Variants in FAM200A observed in about 807,000 individuals in gnomAD.
FAM200A encodes ZBED8 like.
FAM200A carries 26 observed loss-of-function variants against 44.2 expected under a neutral mutation model. The observed-to-expected ratio is 0.59, with a 90% CI of 0.43 to 0.82. The LOEUF (loss-of-function observed/expected upper bound fraction) is 0.82, where lower values mean the gene tolerates loss of function less well. Ranked by LOEUF, FAM200A falls within the 40% of genes least tolerant of loss-of-function variation. The probability of loss-of-function intolerance (pLI) is 0.00; values close to 1 mark genes in which losing one functional copy is unlikely to be tolerated. For synonymous variants in FAM200A, 206 were observed against 244.4 expected, an observed-to-expected ratio of 0.84 and a Z score of 1.47; for missense variants, 606 against 669.5, an observed-to-expected ratio of 0.91 and a Z score of 1.05.
intron 1 of FAM200A, 39 bp from the exon 2 acceptor site, chr7:99,548,545 A>G (rs1369619244): frequency 2.2e-5 from 31 of 1,426,250 alleles, no homozygotes; most frequent in Non-Finnish European, 2.9e-5. Context: ...ATTAAAAAGC[A>G]ACATGGTATT....
chr7:99,546,966 C>G lies in FAM200A; in HGVS notation c.1442G>C (p.Ser481Thr), dbSNP rs1584221196. 6.5e-7 allele frequency: 1 copy of G among 1,550,228 alleles called. No homozygotes were observed. The highest frequency in any genetic ancestry group is 8.7e-7 in the Non-Finnish European group (1 of 1,146,758). Reference protein sequence around the residue: ...PEEENELLQLSSSFTLKNYYK... With the variant: ...PEEENELLQLTSSFTLKNYYK... ...ATAATTCTTTAGTGTGAATGATGAA[C>G]TGAGCTGCAATAATTCATTCTCTTC... Residue 481 changes from serine to threonine, a missense_variant, in exon 2 of 2, where the codon AGT (serine) becomes ACT (threonine). Ser to Thr is a moderately conservative substitution (Grantham distance 58, BLOSUM62 1). Transcript: ENST00000449309.
rs1472446813 is a variant in FAM200A, at chr7:99,546,773, A to G, written c.1635T>C (p.Asn545=). The change falls in exon 2 of 2, where the codon AAT becomes AAC. Residue 545 remains asparagine (N), a synonymous_variant. Coordinates refer to ENST00000449309, the MANE Select transcript of FAM200A (RefSeq NM_145111.4). Reference sequence around the variant, plus strand: ...ATGCTACCCGCATATCTGGTGCACTATTGAGCCTATTTCTCTTCTTTGTTT... The same window carrying G: ...ATGCTACCCGCATATCTGGTGCACTGTTGAGCCTATTTCTCTTCTTTGTTT... ...RLKTKKRNRL[N]SAPDMRVALS... 6.4e-7 allele frequency: 1 copy of G among 1,551,582 alleles called. No individual in the cohort carries two copies. The highest frequency in any genetic ancestry group is 1.2e-5 in the South Asian group (1 of 84,026).
chr7:99,553,446 TC>T (rs1474903593), upstream of FAM200A, among the ~76,000 whole-genome samples: 2 of 152,166 alleles, frequency 1.3e-5, no homozygotes, highest in Admixed American at 6.6e-5. Context: ...TGTAGGCATC[TC>T]TATAACGACT....
chr7:99,552,131 T>C, upstream of FAM200A: 1 of 985,486 alleles, frequency 1.0e-6, no homozygotes, highest in Non-Finnish European at 1.2e-6. Flanking sequence ...CGGAAGTGCG[T>C]CACACCCGCC....
chr7:99,557,098 T>A (rs1802708899), upstream of FAM200A, among the ~76,000 whole-genome samples: 1 of 152,222 alleles, frequency 6.6e-6, no homozygotes, highest in Admixed American at 6.5e-5. Context: ...TCCACCTCTG[T>A]CATCTGGCAA....
upstream of FAM200A, among the ~76,000 whole-genome samples, chr7:99,553,588 C>T (rs921954460): frequency 1.3e-5 from 2 of 152,134 alleles, no homozygotes; most frequent in African/African-American, 2.4e-5. Context: ...GATCATAACC[C>T]AGCTGGCTCC....
At position 99,547,136 on chromosome 7, in the gene FAM200A, C is replaced by CG. The variant is rs766841415; in HGVS notation, c.1271_1272insC (p.Leu424PhefsTer12). On this transcript the variant is annotated frameshift_variant, in exon 2 of 2. Coordinates refer to ENST00000449309, the MANE Select transcript of FAM200A (RefSeq NM_145111.4). LOFTEE classifies it high-confidence loss of function. ...TTTGAGACAAAGAAGTGAGATGCAACAATATCTCTAATTTTATTTCTTTTA... is the reference window on the plus strand; with the variant it reads ...TTTGAGACAAAGAAGTGAGATGCAACGAATATCTCTAATTTTATTTCTTTTA... 2.2e-5 allele frequency: 34 copies of CG among 1,546,044 alleles called. No homozygotes were observed. Among genetic ancestry groups the CG allele is most frequent in the African/African-American group, 2.8e-5 (2 of 72,680 alleles).
chr7:99,553,082 T>TACACACAC (rs1158437868), upstream of FAM200A, among the ~76,000 whole-genome samples: 167 of 96,186 alleles, frequency 1.7e-3, 1 homozygote, highest in African/African-American at 9.5e-3. Context: ...TATATATATA[T>TACACACAC]ATATATATAT....
upstream of FAM200A, among the ~76,000 whole-genome samples, chr7:99,552,990 C>T (rs563997609): frequency 4.9e-5 from 7 of 143,038 alleles, no homozygotes; most frequent in Middle Eastern, 3.6e-3. Flanking sequence ...TATATACACA[C>T]ATATATATAC....
At chr7:99,549,962 C>T (rs202211254) in intron 1 of FAM200A, among the ~76,000 whole-genome samples, 1 of 151,762 alleles carries the variant, frequency 6.6e-6, no homozygotes, top group Non-Finnish European at 1.5e-5. Context: ...GATGAGTTAA[C>T]GGGTGCAGCA....
At chr7:99,554,202 C>G (rs865966953), upstream of FAM200A, among the ~76,000 whole-genome samples, 48 of 152,122 alleles carry the variant, frequency 3.2e-4, no homozygotes, top group African/African-American at 1.1e-3. Context: ...CCATATTGGC[C>G]GGGCACGGTG....
upstream of FAM200A, among the ~76,000 whole-genome samples, chr7:99,553,905 T>C (rs772499327): frequency 6.6e-6 from 1 of 152,222 alleles, no homozygotes; most frequent in African/African-American, 2.4e-5. Flanking sequence ...CACACCTCCT[T>C]GGCTATCGGT....
Position 99,546,638 on chromosome 7 carries a change from C to T in FAM200A, c.*48G>A, listed in dbSNP as rs887768126. ...GGTCTCCCACTGCTGGGATTACAGG[C>T]GTAAGCCACCACACCTGGCTATACA... On this transcript the variant is annotated 3_prime_UTR_variant, in exon 2 of 2. Transcript: ENST00000449309. The T allele has an allele frequency of 6.2e-6, 9 of 1,456,508 alleles. No individual in the cohort carries two copies. The highest frequency in any genetic ancestry group is 5.2e-5 in the East Asian group (2 of 38,738). The allele number at this position is 1,456,508 out of a possible 1,614,324, so 90.2% of individuals were successfully genotyped here.
At chr7:99,553,064 C>CATGTATATATATAT (rs1802582247), upstream of FAM200A, among the ~76,000 whole-genome samples, 2 of 70,534 alleles carry the variant, frequency 2.8e-5, no homozygotes, top group Non-Finnish European at 4.8e-5. Context: ...TATATATATA[C>CATGTATATATATAT]ACACACATAT....
Position 99,546,690 on chromosome 7 carries a change from T to A in FAM200A, c.1718A>T (p.His573Leu). 1 of 1,512,300 alleles carries A rather than the reference T, an allele frequency of 6.6e-7. No homozygotes were observed. Among genetic ancestry groups the A allele is most frequent in the Non-Finnish European group, 8.8e-7 (1 of 1,131,848 alleles). The allele number at this position is 1,512,300 out of a possible 1,614,324, so 93.7% of individuals were successfully genotyped here. ...ELMNRQAHPS[H>L] Reference sequence around the variant, plus strand: ...AGAATTTTGTAAAGTTTGTATTTAATGTGATGGGTGTGCTTGTCTGTTCAT... The same window carrying A: ...AGAATTTTGTAAAGTTTGTATTTAAAGTGATGGGTGTGCTTGTCTGTTCAT... The change falls in exon 2 of 2, where the codon CAT (histidine) becomes CTT (leucine). Residue 573 changes from histidine (H) to leucine (L), a missense_variant. Transcript: ENST00000449309.
chr7:99,553,093 ATATATATTT>A (rs1427813659), upstream of FAM200A, among the ~76,000 whole-genome samples: 2,241 of 89,774 alleles, frequency 0.025, 17 homozygotes, highest in African/African-American at 0.049. Context: ...ATATATATAT[ATATATATTT>A]TTTTTTTTTT....
Position 99,546,974 on chromosome 7 carries a change from C to A in FAM200A, c.1434G>T (p.Leu478Phe). ...TTAGTGTGAATGATGAACTGAGCTG[C>A]AATAATTCATTCTCTTCTTCAGGCT... is the stretch of plus-strand genomic sequence containing the variant. ...NLEPEEENEL[L>F]QLSSSFTLKN... Residue 478 changes from leucine to phenylalanine, a missense_variant, in exon 2 of 2, where the codon TTG becomes TTT. Transcript: ENST00000449309. 6.5e-7 allele frequency: 1 copy of A among 1,550,242 alleles called. No homozygotes were observed. Among genetic ancestry groups the A allele is most frequent in the African/African-American group, 1.4e-5 (1 of 73,130 alleles).
upstream of FAM200A, among the ~76,000 whole-genome samples, chr7:99,553,099 A>ATATTTTTTTTTTTTTT (rs1254408398): frequency 8.1e-5 from 5 of 61,394 alleles, no homozygotes; most frequent in African/African-American, 4.9e-4. Context: ...ATATATATAT[A>ATATTTTTTTTTTTTTT]TTTTTTTTTT....
intron 1 of FAM200A, among the ~76,000 whole-genome samples, chr7:99,551,493 C>G (rs191227045): frequency 3.3e-5 from 5 of 152,308 alleles, no homozygotes; most frequent in African/African-American, 9.6e-5. Context: ...CCACTGCGCC[C>G]GGCCTTCACT....
Sources: allele counts gnomAD v4.1 joint callset (sites outside exome capture counted in the v4.1 genomes callset), GRCh38; gene constraint gnomAD v4.1.1; transcripts MANE v1.5; gene names NCBI Gene and HGNC (gene_info 2026-07-23, HGNC 2026-07-21).